DEPTOR: variants seen among roughly 807,000 people sequenced by gnomAD.
The protein encoded by DEPTOR is DEP domain-containing mTOR-interacting protein.
In DEPTOR, 41 loss-of-function variants were observed where a neutral mutation model predicts 41.6. That is an observed-to-expected ratio of 0.98 (90% CI 0.77 to 1.28). The LOEUF is 1.28. Among genes scored for constraint, DEPTOR ranks in the 50% most tolerant of loss-of-function variants. DEPTOR has a pLI of 0.00. For missense variants in DEPTOR, 514 were observed against 527.9 expected, an observed-to-expected ratio of 0.97 and a Z score of 0.26; for synonymous variants, 195 against 192.3, an observed-to-expected ratio of 1.01 and a Z score of -0.12.
intron 3 of DEPTOR, among the ~76,000 whole-genome samples, chr8:119,953,801 C>CTTTTTTTTTT (rs35043841): frequency 1.7e-5 from 2 of 119,678 alleles, no homozygotes; most frequent in Non-Finnish European, 3.4e-5. Context: ...CAGATAGCTT[C>CTTTTTTTTTT]TTTTTTTTTT....
intron 1 of DEPTOR, among the ~76,000 whole-genome samples, chr8:119,887,415 T>C (rs1011470916): frequency 4.4e-3 from 1 of 228 alleles, no homozygotes; most frequent in African/African-American, 0.038. Flanking sequence ...CCCCATCCCC[T>C]CCCCCCCTCC....
intron 8 of DEPTOR, among the ~76,000 whole-genome samples, chr8:120,012,832 G>C (rs1812551072): frequency 1.3e-5 from 2 of 152,146 alleles, no homozygotes; most frequent in South Asian, 4.2e-4. Context: ...ACCACGCCCA[G>C]CCGAATTTTT....
chr8:120,017,227 A>G (rs1309942911), intron 8 of DEPTOR, among the ~76,000 whole-genome samples: 1 of 152,202 alleles, frequency 6.6e-6, no homozygotes. Flanking sequence ...TCACTGTTCC[A>G]ACAACTGCTG....
chr8:119,883,319 A>T (rs1256055979), intron 1 of DEPTOR, among the ~76,000 whole-genome samples: 1 of 151,706 alleles, frequency 6.6e-6, no homozygotes, highest in African/African-American at 2.4e-5. Context: ...CTAAAAATAC[A>T]AAAACATTAG....
At chr8:120,018,002 C>T (rs554297757) in intron 8 of DEPTOR, among the ~76,000 whole-genome samples, 5 of 152,214 alleles carry the variant, frequency 3.3e-5, no homozygotes, top group African/African-American at 1.2e-4. Flanking sequence ...AACTAGTGGC[C>T]ATGATGTCCT....
At chr8:119,991,088 T>TTCTTTCTTTCTTTCTTTCTTTCTTTCTC (rs1368002570) in intron 4 of DEPTOR, among the ~76,000 whole-genome samples, 1 of 45,796 alleles carries the variant, frequency 2.2e-5, no homozygotes, top group Non-Finnish European at 5.0e-5. Context: ...CTTTCTTTCT[T>TTCTTTCTTTCTTTCTTTCTTTCTTTCTC]TTTCTTTCTT....
chr8:119,938,025 T>C (rs1014759897), intron 3 of DEPTOR, among the ~76,000 whole-genome samples: 2 of 152,218 alleles, frequency 1.3e-5, no homozygotes, highest in African/African-American at 4.8e-5. Flanking sequence ...CTGTTCACTT[T>C]ACAAAAATTC....
intron 1 of DEPTOR, among the ~76,000 whole-genome samples, chr8:119,887,300 A>T: frequency 7.1e-6 from 1 of 139,970 alleles, no homozygotes; most frequent in Non-Finnish European, 1.5e-5. Context: ...CAGCCTACTA[A>T]GTAGCTGGGG....
chr8:120,006,895 T>A lies in DEPTOR; in HGVS notation c.996+20T>A. 5 of 1,612,914 alleles carry A rather than the reference T, an allele frequency of 3.1e-6. No individual in the cohort carries two copies. The highest frequency in any genetic ancestry group is 1.7e-5 in the Admixed American group (1 of 59,972). ...TTCACGGTAGGCTGATGGTCTGGCC[T>A]TTTTCTCCCGTGCTGCCCATTTTTC... is the stretch of plus-strand genomic sequence containing the variant. On this transcript the variant is annotated intron_variant, in intron 7 of 8. Transcript: ENST00000286234.
intron 4 of DEPTOR, among the ~76,000 whole-genome samples, chr8:119,993,848 T>G (rs181500778): frequency 6.6e-6 from 1 of 152,046 alleles, no homozygotes; most frequent in Admixed American, 6.6e-5. Context: ...GTATTGCATG[T>G]TAATGTGTAG....
At position 120,040,742 on chromosome 8, in the gene DEPTOR, G is replaced by GT. The variant is rs1200157372; in HGVS notation, c.1102-8833dup. Among the ~76,000 whole-genome samples the GT allele has an allele frequency of 2.0e-5, 3 of 152,304 alleles. No homozygotes were observed. The East Asian group carries it at 5.8e-4, about 29-fold the overall frequency. On this transcript the variant is annotated intron_variant, in intron 8 of 8. Transcript: ENST00000286234. The stretch of plus-strand genomic sequence containing the variant: ...CTCATTAAGTGGTGCATTTCCTAAC[G>GT]TAAGTATTCTAGAGAGATGGGCTGG...
intron 8 of DEPTOR, among the ~76,000 whole-genome samples, chr8:120,044,552 C>T (rs1444910616): frequency 6.6e-6 from 1 of 152,144 alleles, no homozygotes; most frequent in Non-Finnish European, 1.5e-5. Flanking sequence ...TCTGACTGGC[C>T]AAGCTTAGGG....
chr8:119,937,496 C>T (rs151160302), intron 3 of DEPTOR, among the ~76,000 whole-genome samples: 69 of 152,256 alleles, frequency 4.5e-4, no homozygotes, highest in Non-Finnish European at 7.9e-4. Flanking sequence ...TGAATGTTCC[C>T]GGCCTTCTTG....
At chr8:119,991,685 C>T (rs554166627) in intron 4 of DEPTOR, among the ~76,000 whole-genome samples, 2 of 152,208 alleles carry the variant, frequency 1.3e-5, no homozygotes, top group South Asian at 2.1e-4. Flanking sequence ...AGTGAGAACA[C>T]GAGGTATTTG....
chr8:120,009,755 CT>C (rs1446295664), intron 8 of DEPTOR, among the ~76,000 whole-genome samples: 4 of 152,086 alleles, frequency 2.6e-5, no homozygotes, highest in Non-Finnish European at 5.9e-5. Flanking sequence ...GTCAAATTTC[CT>C]TTTCCCTTTC....
At chr8:120,000,292 C>A (rs1173731112) in intron 4 of DEPTOR, among the ~76,000 whole-genome samples, 1 of 152,084 alleles carries the variant, frequency 6.6e-6, no homozygotes, top group Non-Finnish European at 1.5e-5. Context: ...GCTAATACCC[C>A]TCCCAAACCA....
At chr8:119,979,538 C>T (rs1828736898) in intron 4 of DEPTOR, among the ~76,000 whole-genome samples, 1 of 152,166 alleles carries the variant, frequency 6.6e-6, no homozygotes, top group Non-Finnish European at 1.5e-5. Context: ...GCTGGAATTA[C>T]AGGTGTGAGC....
At chr8:119,994,826 A>G (rs1468532263) in intron 4 of DEPTOR, among the ~76,000 whole-genome samples, 1 of 151,548 alleles carries the variant, frequency 6.6e-6, no homozygotes, top group African/African-American at 2.4e-5. Flanking sequence ...CTGAGGCAGG[A>G]GAATTGCTTG....
intron 4 of DEPTOR, among the ~76,000 whole-genome samples, chr8:119,977,996 T>C (rs994750096): frequency 7.2e-5 from 11 of 152,142 alleles, no homozygotes; most frequent in Admixed American, 4.6e-4. Flanking sequence ...TACCTATGAA[T>C]ATTTCTTTCC....
Sources: gnomAD v4.1 joint callset for allele counts (sites outside exome capture counted in the v4.1 genomes callset) on GRCh38, gnomAD v4.1.1 for gene constraint, MANE v1.5 for transcripts, NCBI Gene and HGNC (gene_info 2026-07-23, HGNC 2026-07-21) for gene names.